KCND3: variants seen among roughly 807,000 people sequenced by gnomAD.
KCND3 encodes the protein A-type voltage-gated potassium channel KCND3.
A neutral mutation model predicts 51.1 loss-of-function variants in KCND3; 9 were observed. That is an observed-to-expected ratio of 0.18 (90% confidence interval 0.11 to 0.31). The LOEUF is 0.31. Ranked by LOEUF, KCND3 falls within the 10% of genes least tolerant of loss-of-function variation. KCND3 has a pLI of 1.00. For missense variants in KCND3, 526 were observed against 903.8 expected (o/e 0.58, Z 5.36); for synonymous variants, 349 against 368.0 (o/e 0.95, Z 0.59).
chr1:111,861,311 G>C (rs894703368), intron 2 of KCND3, among the ~76,000 whole-genome samples: 3 of 152,128 alleles, frequency 2.0e-5, no homozygotes, highest in African/African-American at 7.2e-5. Context: ...TACACCCTGG[G>C]TTCCAACCAA....
intron 1 of KCND3, among the ~76,000 whole-genome samples, chr1:111,988,332 G>A (rs928063309): frequency 6.6e-6 from 1 of 152,092 alleles, no homozygotes; most frequent in African/African-American, 2.4e-5. Flanking sequence ...TTCTCCAACG[G>A]TGCCACTCCT....
intron 2 of KCND3, among the ~76,000 whole-genome samples, chr1:111,930,199 C>A (rs2101858486): frequency 6.6e-6 from 1 of 151,324 alleles, no homozygotes; most frequent in Non-Finnish European, 1.5e-5. Flanking sequence ...TTCAAAGTCA[C>A]AGAAAATTGG....
At chr1:111,883,995 ATCTGTCTCAAGT>A (rs1159333870) in intron 2 of KCND3, among the ~76,000 whole-genome samples, 6 of 152,186 alleles carry the variant, frequency 3.9e-5, no homozygotes, top group Non-Finnish European at 5.9e-5. Flanking sequence ...TCCGATGCAG[ATCTGTCTCAAGT>A]TCATGCTTTT....
chr1:111,779,305 C>T (rs1647515567), intron 5 of KCND3, among the ~76,000 whole-genome samples: 1 of 151,990 alleles, frequency 6.6e-6, no homozygotes, highest in Admixed American at 6.6e-5. Context: ...TGCAGCCCCA[C>T]ACCCCCCTCC....
At chr1:111,807,227 G>A (rs938341339) in intron 2 of KCND3, among the ~76,000 whole-genome samples, 1 of 152,218 alleles carries the variant, frequency 6.6e-6, no homozygotes, top group Non-Finnish European at 1.5e-5. Flanking sequence ...AGTCATGCAT[G>A]TCATAATGAC....
At chr1:111,900,732 G>A (rs555988730) in intron 2 of KCND3, among the ~76,000 whole-genome samples, 16 of 152,030 alleles carry the variant, frequency 1.1e-4, no homozygotes, top group Middle Eastern at 6.8e-3. Context: ...CGAGGTGGGC[G>A]GATCACCTGA....
chr1:111,842,576 G>A (rs1220018135), intron 2 of KCND3, among the ~76,000 whole-genome samples: 1 of 152,198 alleles, frequency 6.6e-6, no homozygotes, highest in East Asian at 1.9e-4. Flanking sequence ...GGAAAATGAT[G>A]CCAAGGAGCT....
At chr1:111,794,755 C>T (rs1664983903) in intron 2 of KCND3, among the ~76,000 whole-genome samples, 1 of 152,218 alleles carries the variant, frequency 6.6e-6, no homozygotes. Flanking sequence ...CCAGCCAGGG[C>T]TGAGTTCATC....
rs138452920 is a variant in KCND3 at position 111,803,578 on chromosome 1, C to A, written c.1107-16472G>T. ...AAACCCTCTGATATTCACCATCACA[C>A]ATACACTCACACCAGGTCGGAGATG... On this transcript the variant is annotated intron_variant, in intron 2 of 7. Coordinates refer to ENST00000302127, the MANE Select transcript of KCND3 (RefSeq NM_001378969.1). Among the ~76,000 whole-genome samples, 363 of 152,330 alleles carry A rather than the reference C, an allele frequency of 2.4e-3. 1 individual carries two copies. Among genetic ancestry groups the A allele is most frequent in the African/African-American group, 8.3e-3 (343 of 41,564 alleles).
At chr1:111,806,313 C>T (rs868818663) in intron 2 of KCND3, among the ~76,000 whole-genome samples, 9 of 152,236 alleles carry the variant, frequency 5.9e-5, no homozygotes, top group African/African-American at 2.2e-4. Flanking sequence ...TGGACATGCT[C>T]GTGGCCCTCA....
At chr1:111,912,591 A>G (rs1671012593) in intron 2 of KCND3, among the ~76,000 whole-genome samples, 1 of 152,216 alleles carries the variant, frequency 6.6e-6, no homozygotes, top group Non-Finnish European at 1.5e-5. Flanking sequence ...ATCATGGAGG[A>G]GGATGGCTCC....
chr1:111,849,944 T>C (rs1667732158), intron 2 of KCND3, among the ~76,000 whole-genome samples: 1 of 152,210 alleles, frequency 6.6e-6, no homozygotes, highest in African/African-American at 2.4e-5. Context: ...CTCCTCCCCG[T>C]GGGCCCTCCA....
At chr1:111,934,908 T>G (rs1672148846) in intron 2 of KCND3, among the ~76,000 whole-genome samples, 1 of 152,242 alleles carries the variant, frequency 6.6e-6, no homozygotes, top group Non-Finnish European at 1.5e-5. Context: ...TTAATACAGA[T>G]AGAGCACTTA....
At chr1:111,984,879 C>T (rs917039187) in intron 1 of KCND3, among the ~76,000 whole-genome samples, 1 of 152,192 alleles carries the variant, frequency 6.6e-6, no homozygotes, top group Non-Finnish European at 1.5e-5. Context: ...TCCTCCTCTC[C>T]TCACTATGAG....
chr1:111,921,229 T>G (rs1298199021), intron 2 of KCND3, among the ~76,000 whole-genome samples: 2 of 152,084 alleles, frequency 1.3e-5, no homozygotes, highest in Non-Finnish European at 2.9e-5. Context: ...CTCCTAGGAG[T>G]TGAGTAACTT....
chr1:111,894,786 C>G (rs778654862), intron 2 of KCND3, among the ~76,000 whole-genome samples: 10 of 152,206 alleles, frequency 6.6e-5, no homozygotes, highest in Non-Finnish European at 8.8e-5. Context: ...CAAGGAAGGC[C>G]TCTGCCCTGT....
intron 2 of KCND3, among the ~76,000 whole-genome samples, chr1:111,896,432 G>A (rs573426342): frequency 6.6e-6 from 1 of 152,304 alleles, no homozygotes; most frequent in African/African-American, 2.4e-5. Flanking sequence ...AGCAGGTGTG[G>A]TTCTTCCTGT....
intron 2 of KCND3, among the ~76,000 whole-genome samples, chr1:111,928,798 G>A (rs539495161): frequency 1.1e-4 from 16 of 152,258 alleles, no homozygotes; most frequent in Admixed American, 6.5e-4. Flanking sequence ...GCCCTTCCTG[G>A]GAGCAGTGTC....
At chr1:111,784,595 A>G (rs1306108209) in intron 3 of KCND3, among the ~76,000 whole-genome samples, 1 of 152,198 alleles carries the variant, frequency 6.6e-6, no homozygotes, top group Non-Finnish European at 1.5e-5. Context: ...AACTATCATT[A>G]GTTTCCTTCC....
Sources: gnomAD v4.1 joint callset for allele counts (sites outside exome capture counted in the v4.1 genomes callset) on GRCh38, gnomAD v4.1.1 for gene constraint, MANE v1.5 for transcripts, NCBI Gene and HGNC (gene_info 2026-07-23, HGNC 2026-07-21) for gene names.